The following MYO1H variants were observed in gnomAD, a reference collection of about 807,000 sequenced individuals.
MYO1H encodes the protein myosin IH.
Under a neutral mutation model 149.3 loss-of-function variants are expected in MYO1H, and 118 were observed. The observed-to-expected ratio is 0.79, with a 90% CI of 0.68 to 0.92. MYO1H has a LOEUF of 0.92. Among genes scored for constraint, MYO1H ranks in the 40% least tolerant of loss-of-function variants. The probability of loss-of-function intolerance (pLI) is 0.00; values close to 1 mark genes in which losing one functional copy is unlikely to be tolerated. For missense variants in MYO1H, 1,212 were observed against 1,280.7 expected (o/e 0.95, Z 0.82); for synonymous variants, 447 against 465.2 (o/e 0.96, Z 0.50).
intron 1 of MYO1H, among the ~76,000 whole-genome samples, chr12:109,353,393 C>CAAAAAAAAAAAAAAAAAAAAAAAA (rs55927192): frequency 8.8e-5 from 7 of 79,296 alleles, no homozygotes; most frequent in Non-Finnish European, 9.6e-5. Context: ...GACTCCGTCT[C>CAAAAAAAAAAAAAAAAAAAAAAAA]AAAAAAAAAA....
intron 1 of MYO1H, among the ~76,000 whole-genome samples, chr12:109,388,250 A>G (rs550890257): frequency 8.1e-5 from 11 of 136,098 alleles, no homozygotes; most frequent in Non-Finnish European, 1.5e-4. Flanking sequence ...TAAAAAAAAC[A>G]TTTATTGAGT....
Position 109,388,674 on chromosome 12 carries a change from T to A in MYO1H, c.13-9T>A, listed in dbSNP as rs1869492499. 6.5e-7 allele frequency: 1 copy of A among 1,547,492 alleles called. No individual in the cohort carries two copies. Among genetic ancestry groups the A allele is most frequent in the Non-Finnish European group, 8.8e-7 (1 of 1,142,798 alleles). ...GATGAGCTGCTGAAGAATGTTCTAT[T>A]TCCCGTAGAAAGAAGACGTGAGGAG... On this transcript the variant is annotated splice_polypyrimidine_tract_variant and intron_variant, in intron 1 of 31. Coordinates refer to ENST00000310903, the Ensembl canonical transcript of MYO1H.
chr12:109,346,763 A>G (rs2048103912), upstream of MYO1H, among the ~76,000 whole-genome samples: 1 of 152,176 alleles, frequency 6.6e-6, no homozygotes, highest in Non-Finnish European at 1.5e-5. Flanking sequence ...CTCCATCTCA[A>G]GAAAAAAATA....
At chr12:109,327,126 TTCTTTTTC>T in the MYO1H span, among the ~76,000 whole-genome samples, 7 of 131,604 alleles carry the variant, frequency 5.3e-5, no homozygotes, top group East Asian at 2.2e-4. Context: ...CTTTTTCTTT[TTCTTTTTC>T]TTTTTTTTTT....
rs1869979043 is a variant in MYO1H, at chr12:109,397,819, T to C, written c.570+7T>C. On this transcript the variant is annotated splice_region_variant and intron_variant, in intron 5 of 31. Coordinates refer to ENST00000310903, the Ensembl canonical transcript of MYO1H. ...TATACAATTTGATTTTCAGGTACAC[T>C]GAAGCTCCTATTACTGGTTCATGGG... is the stretch of plus-strand genomic sequence containing the variant. The C allele has an allele frequency of 3.7e-6, 6 of 1,603,716 alleles. No homozygotes were observed. The highest frequency in any genetic ancestry group is 5.1e-6 in the Non-Finnish European group (6 of 1,174,230).
At chr12:109,355,457 C>T (rs1452860432) in intron 1 of MYO1H, among the ~76,000 whole-genome samples, 1 of 152,180 alleles carries the variant, frequency 6.6e-6, no homozygotes, top group Non-Finnish European at 1.5e-5. Flanking sequence ...GATGCTCGAA[C>T]TGCATCCATG....
the MYO1H span, among the ~76,000 whole-genome samples, chr12:109,336,619 CTT>C: frequency 1.3e-5 from 2 of 152,194 alleles, no homozygotes. Context: ...AAAATAAGGA[CTT>C]TTCTCTCTCA....
chr12:109,332,863 G>C, the MYO1H span, among the ~76,000 whole-genome samples: 1 of 152,150 alleles, frequency 6.6e-6, no homozygotes. Flanking sequence ...GATTACAGGC[G>C]TGAGCCACCG....
In MYO1H at chr12:109,447,342, C is replaced by T. The variant is rs950792402; in HGVS notation, c.*160C>T. On this transcript the variant is annotated 3_prime_UTR_variant, in exon 32 of 32. Transcript: ENST00000310903. ...GAAACTGAGGGGCGTTAGGCCAAAG[C>T]CTAATCCCAGCTCCTCAGCTGCCCC... 1.8e-5 allele frequency: 13 copies of T among 702,748 alleles called. No homozygotes were observed. The Admixed American group carries it at 2.6e-4, about 14-fold the overall frequency. The allele number at this position is 702,748 out of a possible 1,614,324, so 43.5% of individuals were successfully genotyped here. A position where few individuals can be genotyped will look rare whatever the true frequency, so the allele number is the denominator to read the frequency against.
intron 1 of MYO1H, among the ~76,000 whole-genome samples, chr12:109,377,296 T>C (rs933535138): frequency 1.3e-5 from 2 of 152,174 alleles, no homozygotes; most frequent in Non-Finnish European, 2.9e-5. Context: ...CATCTGCACG[T>C]GTTGAGGGCC....
At chr12:109,443,106 ATATGTGTG>A (rs1566044904) in intron 27 of MYO1H, among the ~76,000 whole-genome samples, 2 of 76,822 alleles carry the variant, frequency 2.6e-5, no homozygotes, top group South Asian at 3.5e-4. Context: ...ATGTGTACGT[ATATGTGTG>A]TATATGTGTA....
At chr12:109,310,661 C>G in the MYO1H span, among the ~76,000 whole-genome samples, 1 of 152,026 alleles carries the variant, frequency 6.6e-6, no homozygotes, top group East Asian at 1.9e-4. Context: ...ACTCAGGGCT[C>G]CCCTGGACTG....
At chr12:109,439,113 CG>C (rs1233721880) in intron 23 of MYO1H, among the ~76,000 whole-genome samples, 3 of 152,098 alleles carry the variant, frequency 2.0e-5, no homozygotes, top group African/African-American at 7.2e-5. Context: ...CTCACTCTGT[CG>C]CCCAGGCTGG....
chr12:109,412,960 T>TTGTTGA (rs1221145932), intron 14 of MYO1H, among the ~76,000 whole-genome samples: 2 of 147,942 alleles, frequency 1.4e-5, no homozygotes, highest in Admixed American at 6.7e-5. Context: ...TAATTTGTTG[T>TTGTTGA]TGTTGTTGTT....
chr12:109,439,485 T>C (rs1323539755), intron 23 of MYO1H, 146 bp from the exon 24 acceptor site: 9 of 710,650 alleles, frequency 1.3e-5, no homozygotes, highest in African/African-American at 1.1e-4. Context: ...CGAACATATA[T>C]GTGGGGCAGA....
chr12:109,412,056 A>G, intron 14 of MYO1H, 71 bp downstream of exon 14: 1 of 1,088,816 alleles, frequency 9.2e-7, no homozygotes, highest in Non-Finnish European at 1.3e-6. Flanking sequence ...TAGTATTTGG[A>G]TAATGTTCTT....
intron 2 of MYO1H, among the ~76,000 whole-genome samples, chr12:109,389,634 G>A (rs1317269984): frequency 6.6e-6 from 1 of 152,108 alleles, no homozygotes; most frequent in African/African-American, 2.4e-5. Context: ...GCTAGTTTTC[G>A]TTAAATTCCC....
intron 27 of MYO1H, among the ~76,000 whole-genome samples, chr12:109,443,021 T>TATGTGTGTGTGTGTGTGTATACAC (rs1872228153): frequency 1.0e-5 from 1 of 97,734 alleles, no homozygotes; most frequent in Admixed American, 9.6e-5. Flanking sequence ...TATATATATA[T>TATGTGTGTGTGTGTGTGTATACAC]ATATATATGT....
intron 8 of MYO1H, 82 bp from the exon 9 acceptor site, chr12:109,406,707 C>T: frequency 1.5e-6 from 2 of 1,313,422 alleles, no homozygotes. Context: ...GGTAACAGAG[C>T]CATACCTTGT....
Sources: allele counts gnomAD v4.1 joint callset (sites outside exome capture counted in the v4.1 genomes callset), GRCh38; gene constraint gnomAD v4.1.1; transcripts MANE v1.5; gene names NCBI Gene and HGNC (gene_info 2026-07-23, HGNC 2026-07-21).